The following FRMD4A variants were observed in gnomAD, a reference collection of about 807,000 sequenced individuals.
The protein encoded by FRMD4A is FERM domain-containing protein 4A.
A neutral mutation model predicts 129.1 loss-of-function variants in FRMD4A; 29 were observed. The ratio of observed to expected loss-of-function variants is 0.22; its 90% CI spans 0.17 to 0.31. The LOEUF is 0.31. FRMD4A is among the 10% of genes least tolerant of loss of function. FRMD4A has a pLI of 1.00. For synonymous variants in FRMD4A, 634 were observed against 571.6 expected (o/e 1.11, Z -1.56); for missense variants, 1,272 against 1,375.8 (o/e 0.92, Z 1.19).
chr10:14,323,457 A>G (rs1020380527), intron 2 of FRMD4A, among the ~76,000 whole-genome samples: 2 of 152,174 alleles, frequency 1.3e-5, no homozygotes, highest in Non-Finnish European at 2.9e-5. Context: ...CTCCATTTAT[A>G]TTTATTTTGA....
In FRMD4A at chr10:14,047,227, A is replaced by G. The variant is rs1834026486; in HGVS notation, c.46-188315T>C. ...CTCTATCCTTTGGAATTTTGCTTTTATTGATGGTCTTGCTTGGTGGAAAAG... is the reference window on the plus strand; with the variant it reads ...CTCTATCCTTTGGAATTTTGCTTTTGTTGATGGTCTTGCTTGGTGGAAAAG... On this transcript the variant is annotated intron_variant, in intron 2 of 24. Coordinates refer to ENST00000357447, the MANE Select transcript of FRMD4A (RefSeq NM_018027.5). 2.0e-5 allele frequency among the ~76,000 whole-genome samples: 3 copies of G among 152,174 alleles called. No homozygotes were observed. The South Asian group carries it at 6.2e-4, about 32-fold the overall frequency.
chr10:13,734,926 C>T (rs7921233), intron 12 of FRMD4A, among the ~76,000 whole-genome samples: 6,653 of 151,456 alleles, frequency 0.044, 535 homozygotes, highest in African/African-American at 0.15. Context: ...CAGGCTGGAG[C>T]GCAGTGGTGC....
intron 2 of FRMD4A, among the ~76,000 whole-genome samples, chr10:13,918,593 A>G (rs931977637): frequency 6.6e-6 from 1 of 151,556 alleles, no homozygotes; most frequent in African/African-American, 2.4e-5. Flanking sequence ...CAGTGGTGTG[A>G]TCTCGGCTCA....
At chr10:14,052,255 T>C (rs4748085) in intron 2 of FRMD4A, among the ~76,000 whole-genome samples, 1 of 152,034 alleles carries the variant, frequency 6.6e-6, no homozygotes. Flanking sequence ...TGTGAAAGAA[T>C]AAATTTCTGT....
chr10:13,945,036 T>C (rs2095321778), intron 2 of FRMD4A, among the ~76,000 whole-genome samples: 1 of 152,140 alleles, frequency 6.6e-6, no homozygotes, highest in Admixed American at 6.5e-5. Context: ...TGATCGCCCC[T>C]CCGGTCTCTC....
intron 2 of FRMD4A, among the ~76,000 whole-genome samples, chr10:14,165,037 G>A (rs189514481): frequency 2.4e-4 from 37 of 152,094 alleles, no homozygotes; most frequent in African/African-American, 6.8e-4. Flanking sequence ...TAGAGCTTCC[G>A]CACAGCAAAA....
intron 9 of FRMD4A, 98 bp from the exon 10 acceptor site, chr10:13,740,675 C>G: frequency 1.5e-6 from 1 of 689,476 alleles, no homozygotes; most frequent in Non-Finnish European, 2.6e-6. Context: ...TCATAAGAAG[C>G]TCCAAGGCAC....
intron 2 of FRMD4A, among the ~76,000 whole-genome samples, chr10:13,860,525 GC>G (rs925991453): frequency 6.6e-6 from 1 of 152,082 alleles, no homozygotes; most frequent in Non-Finnish European, 1.5e-5. Context: ...AGAACTCAAT[GC>G]CTATTTTATA....
At chr10:13,829,281 T>G (rs1246412049) in intron 3 of FRMD4A, among the ~76,000 whole-genome samples, 2 of 152,140 alleles carry the variant, frequency 1.3e-5, no homozygotes, top group Non-Finnish European at 2.9e-5. Context: ...TCCCAGCACT[T>G]TGGGGGTCCG....
At chr10:14,270,764 C>A (rs1322267070) in intron 2 of FRMD4A, among the ~76,000 whole-genome samples, 4 of 152,172 alleles carry the variant, frequency 2.6e-5, no homozygotes, top group African/African-American at 9.7e-5. Flanking sequence ...AATTGATATA[C>A]ATAAGAGTGA....
At chr10:13,967,672 C>T (rs2095493754) in intron 2 of FRMD4A, among the ~76,000 whole-genome samples, 1 of 152,254 alleles carries the variant, frequency 6.6e-6, no homozygotes, top group Non-Finnish European at 1.5e-5. Flanking sequence ...TTGCCACACC[C>T]TCATTTGTCA....
chr10:13,973,331 T>C (rs1187308468), intron 2 of FRMD4A, among the ~76,000 whole-genome samples: 1 of 152,200 alleles, frequency 6.6e-6, no homozygotes. Context: ...ATTTATGCAT[T>C]AATTTGTTTA....
At chr10:13,769,411 C>T (rs545228271) in intron 6 of FRMD4A, among the ~76,000 whole-genome samples, 4 of 152,158 alleles carry the variant, frequency 2.6e-5, no homozygotes, top group Admixed American at 6.5e-5. Flanking sequence ...TGGGTTCGAG[C>T]GATTCTTGTG....
At chr10:13,871,884 G>A (rs1375785313) in intron 2 of FRMD4A, among the ~76,000 whole-genome samples, 4 of 152,210 alleles carry the variant, frequency 2.6e-5, no homozygotes, top group Admixed American at 6.5e-5. Context: ...GAGCCACACC[G>A]CCGGGGCTTA....
At chr10:14,167,607 A>T (rs1279948746) in intron 2 of FRMD4A, among the ~76,000 whole-genome samples, 1 of 151,518 alleles carries the variant, frequency 6.6e-6, no homozygotes, top group Non-Finnish European at 1.5e-5. Context: ...AGAGGCTCAC[A>T]GTCCATTGCA....
chr10:13,646,019 C>T lies in FRMD4A; in HGVS notation c.*1019G>A, dbSNP rs76397645. On this transcript the variant is annotated 3_prime_UTR_variant, in exon 25 of 25. Coordinates refer to ENST00000357447, the MANE Select transcript of FRMD4A (RefSeq NM_018027.5). ...TTGAGTCTTGGGCTCGGCTGAACCC[C>T]CTGCATGGACCGGGGCTAACAGTAC... The T allele has an allele frequency of 0.019, 2,928 of 152,496 alleles. 37 individuals are homozygous for T. The highest frequency in any genetic ancestry group is 0.03 in the Non-Finnish European group (2,059 of 68,040). 9.4% of individuals were successfully genotyped at this position (152,496 alleles called of 1,614,324 possible).
At chr10:14,176,855 G>C (rs1048726510) in intron 2 of FRMD4A, among the ~76,000 whole-genome samples, 1 of 152,104 alleles carries the variant, frequency 6.6e-6, no homozygotes, top group Admixed American at 6.5e-5. Flanking sequence ...TTCAGTGTCA[G>C]GGAAGGAAAT....
rs761352751 is a variant in FRMD4A at position 13,656,714 on chromosome 10, A to G, written c.2875T>C (p.Tyr959His). 6.3e-7 allele frequency: 1 copy of G among 1,587,314 alleles called. No homozygotes were observed. ...SSTSSDSGSQYSTSSQSTFVA... is the reference protein window; with the variant it reads ...SSTSSDSGSQHSTSSQSTFVA... ...AAGGTGCTCTGGGAGGAGGTGCTGTACTGCGAGCCGCTGTCCGAGGAGGTG... is the reference window on the plus strand; with the variant it reads ...AAGGTGCTCTGGGAGGAGGTGCTGTGCTGCGAGCCGCTGTCCGAGGAGGTG... Residue 959 changes from tyrosine to histidine, a missense_variant, in exon 22 of 25, where the codon TAC becomes CAC. This residue lies in a region of FRMD4A where 972 missense variants were observed against 892.3 expected (regional missense o/e 1.09). Transcript: ENST00000357447.
At chr10:13,696,910 C>A (rs938572589) in intron 14 of FRMD4A, among the ~76,000 whole-genome samples, 2 of 152,128 alleles carry the variant, frequency 1.3e-5, no homozygotes, top group African/African-American at 2.4e-5. Flanking sequence ...TATGTAAAGG[C>A]CATCGTAATA....
Sources: gnomAD v4.1 joint callset for allele counts (sites outside exome capture counted in the v4.1 genomes callset) on GRCh38, gnomAD v4.1.1 for gene constraint, gnomAD v4.1.1 regional missense constraint, MANE v1.5 for transcripts, NCBI Gene and HGNC (gene_info 2026-07-23, HGNC 2026-07-21) for gene names.